CSMD1: variants seen among roughly 807,000 people sequenced by gnomAD.
CSMD1 encodes CUB and Sushi multiple domains 1, also known as CUB and sushi domain-containing protein 1.
In CSMD1, 213 loss-of-function variants were observed where a neutral mutation model predicts 417.5. The observed-to-expected ratio is 0.51, with a 90% CI of 0.46 to 0.57. CSMD1 has a LOEUF of 0.57. Among genes scored for constraint, CSMD1 ranks in the 20% least tolerant of loss-of-function variants. CSMD1 has a pLI of 0.00. For missense variants in CSMD1, 6,923 were observed against 4,529.7 expected (o/e 1.53, Z -15.17); for synonymous variants, 2,862 against 1,736.8 (o/e 1.65, Z -16.11).
At position 4,026,403 on chromosome 8, in the gene CSMD1, G is replaced by T. The variant is rs186172863; in HGVS notation, c.610+5502C>A. 6.6e-5 allele frequency among the ~76,000 whole-genome samples: 10 copies of T among 152,266 alleles called. No homozygotes were observed. In the East Asian group the frequency reaches 1.4e-3, roughly 21 times the overall value. ...TGATCTCATTGGGATTTACCACATG[G>T]GTGGCAGCATAGGAAAGACACTTAG... On this transcript the variant is annotated intron_variant, in intron 4 of 69. Coordinates refer to ENST00000635120, the MANE Select transcript of CSMD1 (RefSeq NM_033225.6).
At position 3,118,383 on chromosome 8, in the gene CSMD1, A is replaced by G. The variant is rs2045638; in HGVS notation, c.6430+16T>C. ...ATGAAACATTAAATCGCCCCCATGC[A>G]AAGTGATGAACTTACCATCACATCT... On this transcript the variant is annotated intron_variant, in intron 42 of 69. Coordinates refer to ENST00000635120, the MANE Select transcript of CSMD1 (RefSeq NM_033225.6). 400,139 of 1,588,090 alleles carry G rather than the reference A, an allele frequency of 0.25. 65,720 individuals carry two copies. Among genetic ancestry groups the G allele is most frequent in the African/African-American group, 0.81 (59,923 of 74,148 alleles).
chr8:3,249,113 C>T (rs557943267), intron 26 of CSMD1, among the ~76,000 whole-genome samples: 2 of 152,216 alleles, frequency 1.3e-5, no homozygotes, highest in South Asian at 4.1e-4. Context: ...AAGCACTTAG[C>T]CCGAGAATTG....
chr8:4,048,908 G>C (rs2554550), intron 3 of CSMD1, among the ~76,000 whole-genome samples: 137,457 of 151,966 alleles, frequency 0.9, 62,352 homozygotes, highest in East Asian at 0.99. Flanking sequence ...TAGTCTATTT[G>C]CTAATTTTTC....
intron 2 of CSMD1, among the ~76,000 whole-genome samples, chr8:4,630,013 C>T (rs1330428180): frequency 6.6e-6 from 1 of 152,048 alleles, no homozygotes; most frequent in Non-Finnish European, 1.5e-5. Flanking sequence ...TACTTCTCTG[C>T]CCATATTAGT....
intron 2 of CSMD1, among the ~76,000 whole-genome samples, chr8:4,607,957 C>G (rs1800969505): frequency 6.6e-6 from 1 of 152,138 alleles, no homozygotes; most frequent in Non-Finnish European, 1.5e-5. Context: ...GCGACTTTCC[C>G]CAGCCCACCT....
intron 5 of CSMD1, among the ~76,000 whole-genome samples, chr8:3,919,184 CAAAAAAAAAAAAAAAA>C (rs71203490): frequency 3.3e-5 from 3 of 91,800 alleles, no homozygotes; most frequent in Admixed American, 2.6e-4. Flanking sequence ...GTGTCATATC[CAAAAAAAAAAAAAAAA>C]AAAAAAAAAA....
At chr8:3,832,074 G>C (rs770096214) in intron 5 of CSMD1, among the ~76,000 whole-genome samples, 33 of 152,250 alleles carry the variant, frequency 2.2e-4, no homozygotes, top group Middle Eastern at 3.4e-3. Context: ...AATCAAGACT[G>C]GGTATCTCAT....
At chr8:4,236,026 G>GTTTTTTTTTTTTTTTTTT (rs147378202) in intron 3 of CSMD1, among the ~76,000 whole-genome samples, 2 of 108,086 alleles carry the variant, frequency 1.9e-5, no homozygotes, top group African/African-American at 8.4e-5. Flanking sequence ...AATGGATATT[G>GTTTTTTTTTTTTTTTTTT]TTTTTTTTGT....
intron 2 of CSMD1, among the ~76,000 whole-genome samples, chr8:4,616,246 C>A (rs947288122): frequency 1.1e-4 from 16 of 152,028 alleles, no homozygotes; most frequent in Non-Finnish European, 2.4e-4. Context: ...TTGAAAAAAA[C>A]AAGAGGAATG....
intron 3 of CSMD1, among the ~76,000 whole-genome samples, chr8:4,278,179 C>G (rs1238391025): frequency 6.6e-6 from 1 of 152,166 alleles, no homozygotes; most frequent in Non-Finnish European, 1.5e-5. Flanking sequence ...ACTACATTCA[C>G]AATTTATATA....
chr8:3,576,596 G>T (rs1368939733), intron 9 of CSMD1, among the ~76,000 whole-genome samples: 1 of 152,120 alleles, frequency 6.6e-6, no homozygotes, highest in Non-Finnish European at 1.5e-5. Context: ...TAAAATGCTG[G>T]CATTTACTGT....
At chr8:4,229,975 C>G (rs903095876) in intron 3 of CSMD1, among the ~76,000 whole-genome samples, 49 of 152,158 alleles carry the variant, frequency 3.2e-4, no homozygotes, top group African/African-American at 1.2e-3. Flanking sequence ...CTAAAGCCGA[C>G]ATTATAACAC....
At chr8:4,075,591 T>G (rs1345060776) in intron 3 of CSMD1, among the ~76,000 whole-genome samples, 1 of 152,202 alleles carries the variant, frequency 6.6e-6, no homozygotes, top group African/African-American at 2.4e-5. Context: ...ATTTATTCCT[T>G]GTTCTGCATA....
At chr8:4,720,265 G>T (rs546802698) in intron 1 of CSMD1, among the ~76,000 whole-genome samples, 1 of 151,702 alleles carries the variant, frequency 6.6e-6, no homozygotes, top group African/African-American at 2.4e-5. Context: ...GGAAAAGTTG[G>T]AAAAATTTTT....
chr8:4,339,724 G>T (rs564581217), intron 3 of CSMD1, among the ~76,000 whole-genome samples: 1 of 152,044 alleles, frequency 6.6e-6, no homozygotes, highest in Non-Finnish European at 1.5e-5. Context: ...GAAAGAGGAC[G>T]GTATACGAAG....
rs533587617 is a variant in CSMD1, at chr8:3,138,011, G to A, written c.6241+4454C>T. Among the ~76,000 whole-genome samples, 4 of 152,316 alleles carry A rather than the reference G, an allele frequency of 2.6e-5. No homozygotes were observed. The East Asian group carries it at 5.8e-4, about 22-fold the overall frequency. On this transcript the variant is annotated intron_variant, in intron 41 of 69. Coordinates refer to ENST00000635120, the MANE Select transcript of CSMD1 (RefSeq NM_033225.6). ...AGGATGAGGAGGGCAAATGACCTGA[G>A]GTCAGGAGTTCGAGACCAACCTGGC...
At chr8:4,409,226 T>C (rs1796510349) in intron 3 of CSMD1, among the ~76,000 whole-genome samples, 1 of 152,202 alleles carries the variant, frequency 6.6e-6, no homozygotes, top group African/African-American at 2.4e-5. Context: ...TTGATGAAAT[T>C]CGAATGCATT....
chr8:3,647,038 G>A (rs1359328663), intron 7 of CSMD1, among the ~76,000 whole-genome samples: 2 of 152,164 alleles, frequency 1.3e-5, no homozygotes, highest in African/African-American at 4.8e-5. Context: ...CACTTCTGGT[G>A]CTTCTTGCGT....
intron 2 of CSMD1, among the ~76,000 whole-genome samples, chr8:4,491,558 T>C (rs1340039033): frequency 1.3e-5 from 2 of 148,844 alleles, no homozygotes; most frequent in African/African-American, 2.5e-5. Flanking sequence ...GATTTTGCAA[T>C]GTTTAAAAAA....
Sources: allele counts gnomAD v4.1 joint callset (sites outside exome capture counted in the v4.1 genomes callset), GRCh38; gene constraint gnomAD v4.1.1; transcripts MANE v1.5; gene names NCBI Gene and HGNC (gene_info 2026-07-23, HGNC 2026-07-21).